Variants in VWF observed in about 807,000 individuals in gnomAD.
The protein encoded by VWF is Factor VIII related antigen.
Under a neutral mutation model 308.6 loss-of-function variants are expected in VWF, and 176 were observed. The ratio of observed to expected loss-of-function variants is 0.57; its 90% CI spans 0.50 to 0.65. The LOEUF (loss-of-function observed/expected upper bound fraction) is 0.65. Among genes scored for constraint, VWF ranks in the 30% least tolerant of loss-of-function variants. VWF has a pLI of 0.00. For synonymous variants in VWF, 1,385 were observed against 1,443.4 expected, an observed-to-expected ratio of 0.96 and a Z score of 0.92; for missense variants, 3,146 against 3,648.2, an observed-to-expected ratio of 0.86 and a Z score of 3.55.
At position 5,969,285 on chromosome 12, in the gene VWF, A is replaced by T. The variant is rs1482129712; in HGVS notation, c.7655T>A (p.Leu2552Gln). 1.2e-6 allele frequency: 2 copies of T among 1,614,168 alleles called. No homozygotes were observed. Among genetic ancestry groups the T allele is most frequent in the East Asian group, 2.2e-5 (1 of 44,864 alleles). ...IQQRNVSCPQ[L>Q]EVPVCPSGFQ... ...GCCCGAGGGGCAGACAGGGACCTCC[A>T]GCTGGGGGCAGGAGACGTTCCTTTG... Residue 2552 changes from leucine (L) to glutamine (Q), a missense_variant, in exon 45 of 52, where the codon CTG becomes CAG. This residue lies in a region of VWF where 989 missense variants were observed against 1,117.4 expected (regional missense o/e 0.89). Transcript: ENST00000261405.
intron 5 of VWF, among the ~76,000 whole-genome samples, chr12:6,108,511 C>T (rs1411544593): frequency 6.7e-6 from 1 of 149,800 alleles, no homozygotes; most frequent in East Asian, 2.0e-4. Flanking sequence ...AATTAAAAAG[C>T]TTAATTCAAG....
intron 3 of VWF, among the ~76,000 whole-genome samples, chr12:6,113,656 T>C (rs1056292269): frequency 3.3e-5 from 5 of 152,158 alleles, no homozygotes; most frequent in African/African-American, 1.2e-4. Flanking sequence ...GAGTGAGGAG[T>C]ATATGGATCT....
At chr12:5,964,286 G>GCATACATACATGCATA (rs1943371213) in intron 47 of VWF, among the ~76,000 whole-genome samples, 2 of 134,756 alleles carry the variant, frequency 1.5e-5, no homozygotes, top group South Asian at 2.2e-4. Flanking sequence ...ATACATACAT[G>GCATACATACATGCATA]CATACATACA....
intron 6 of VWF, among the ~76,000 whole-genome samples, chr12:6,090,624 CTCCTTCTCG>C: frequency 1.2e-5 from 1 of 85,840 alleles, no homozygotes; most frequent in East Asian, 3.7e-4. Context: ...CCTCCTCCTC[CTCCTTCTCG>C]TCCTCCTCCT....
chr12:5,976,362 G>A lies in VWF; in HGVS notation c.7288-102C>T, dbSNP rs1943533796. 3.3e-6 allele frequency: 5 copies of A among 1,498,208 alleles called. No homozygotes were observed. The South Asian group carries it at 4.6e-5, about 14-fold the overall frequency. 92.8% of individuals were successfully genotyped at this position (1,498,208 alleles called of 1,614,324 possible). ...AGCCGCTCTAAGTGCTGAGAATGTG[G>A]CAATAAATAAAACCAAATGTGGTCT... is the stretch of plus-strand genomic sequence containing the variant. On this transcript the variant is annotated intron_variant, in intron 42 of 51. Coordinates refer to ENST00000261405, the MANE Select transcript of VWF (RefSeq NM_000552.5).
intron 2 of VWF, 74 bp downstream of exon 2, chr12:6,123,068 G>T: frequency 6.3e-7 from 1 of 1,584,256 alleles, no homozygotes; most frequent in African/African-American, 1.3e-5. Context: ...AGACACACCT[G>T]CTGATTCCCG....
Position 6,056,854 on chromosome 12 carries a change from C to G in VWF, c.1945+3G>C. 11 of 1,412,890 alleles carry G rather than the reference C, an allele frequency of 7.8e-6. No homozygotes were observed. Among genetic ancestry groups the G allele is most frequent in the Non-Finnish European group, 9.1e-6 (10 of 1,094,152 alleles). 87.5% of individuals were successfully genotyped at this position (1,412,890 alleles called of 1,614,324 possible). Reference sequence around the variant, plus strand: ...GAGGGCTGCGGGCAGGGAGGGCACGCACCACAGCGGCCTGGCTCGCGCCAC... The same window carrying G: ...GAGGGCTGCGGGCAGGGAGGGCACGGACCACAGCGGCCTGGCTCGCGCCAC... On this transcript the variant is annotated splice_donor_region_variant and intron_variant, in intron 15 of 51. Coordinates refer to ENST00000261405, the MANE Select transcript of VWF (RefSeq NM_000552.5).
intron 47 of VWF, among the ~76,000 whole-genome samples, chr12:5,966,718 C>T (rs1028464389): frequency 1.3e-5 from 2 of 152,108 alleles, no homozygotes; most frequent in African/African-American, 4.8e-5. Context: ...AGAAAGCCAT[C>T]GCCATAGTTC....
Position 6,046,641 on chromosome 12 carries a change from A to G in VWF, c.2281+82T>C, listed in dbSNP as rs998005633. 7.3e-7 allele frequency: 1 copy of G among 1,366,616 alleles called. No homozygotes were observed. Among genetic ancestry groups the G allele is most frequent in the Non-Finnish European group, 1.0e-6 (1 of 956,464 alleles). The allele number at this position is 1,366,616 out of a possible 1,614,324, so 84.7% of individuals were successfully genotyped here. A position where few individuals can be genotyped will look rare whatever the true frequency, so the allele number is the denominator to read the frequency against. On this transcript the variant is annotated intron_variant, in intron 17 of 51. Coordinates refer to ENST00000261405, the MANE Select transcript of VWF (RefSeq NM_000552.5). This position sits in a 1 kb window ranked among gnomAD's most constrained non-coding sequence, Gnocchi z 5.0. Reference sequence around the variant, plus strand: ...GTGCACACGCACATCTGACGGTGTCACCCAGCTCTCTCCCGCCATTCCACA... The same window carrying G: ...GTGCACACGCACATCTGACGGTGTCGCCCAGCTCTCTCCCGCCATTCCACA...
intron 6 of VWF, 164 bp downstream of exon 6, chr12:6,095,296 G>T: frequency 9.1e-7 from 1 of 1,102,878 alleles, no homozygotes; most frequent in Non-Finnish European, 1.4e-6. Context: ...CTTCAGGCTC[G>T]AGATGTATTA....
rs146850658 is a variant in VWF, at chr12:6,034,722, A to C, written c.2651T>G (p.Leu884Arg). The C allele has an allele frequency of 2.7e-5, 43 of 1,614,092 alleles. No homozygotes were observed. In the African/African-American group the frequency reaches 4.0e-4, roughly 15 times the overall value. Residue 884 changes from leucine (L) to arginine (R), a missense_variant, in exon 20 of 52, where the codon CTG becomes CGG. This residue lies in a region of VWF where 1,304 missense variants were observed against 1,353.0 expected (regional missense o/e 0.96). Coordinates refer to ENST00000261405, the MANE Select transcript of VWF (RefSeq NM_000552.5). ...AACGTACTGGCACTCCCCGGGGAAC[A>C]GGTATTTGAGCCCGTCGAAGGTGAG... is the stretch of plus-strand genomic sequence containing the variant. ...HYLTFDGLKY[L>R]FPGECQYVLV... is the part of the protein sequence containing the mutation.
Position 6,021,980 on chromosome 12 carries a change from C to T in VWF, c.3594G>A (p.Val1198=), listed in dbSNP as rs368522060. 4 of 1,614,200 alleles carry T rather than the reference C, an allele frequency of 2.5e-6. No individual in the cohort carries two copies. Among genetic ancestry groups the T allele is most frequent in the Non-Finnish European group, 3.4e-6 (4 of 1,180,044 alleles). Residue 1198 remains valine, a synonymous_variant, in exon 27 of 52, where the codon GTG becomes GTA. Coordinates refer to ENST00000261405, the MANE Select transcript of VWF (RefSeq NM_000552.5). ...CAAAACGCCGGCCAGCCACCTCACA[C>T]ACTGGACAGTCTTCAGGGTCAACGC... ...QTCVDPEDCP[V]CEVAGRRFAS...
In VWF at chr12:5,967,592, G is replaced by T; in HGVS notation, c.7781C>A (p.Thr2594Asn). The stretch of plus-strand genomic sequence containing the variant: ...GGTCGTGCACACATCGATCATCACA[G>T]TCTTCCCGGGCTGGAAGCAGAGGCA... Reference protein sequence around the residue: ...LNGTVIGPGKTVMIDVCTTCR... With the variant: ...LNGTVIGPGKNVMIDVCTTCR... Residue 2594 changes from threonine to asparagine, a missense_variant, in exon 47 of 52, where the codon ACT becomes AAT. By Grantham distance (65) the Thr-to-Asn change is moderately conservative. Transcript: ENST00000261405. 6.2e-7 allele frequency: 1 copy of T among 1,613,786 alleles called. No homozygotes were observed. The highest frequency in any genetic ancestry group is 8.5e-7 in the Non-Finnish European group (1 of 1,180,006).
chr12:5,968,832 T>C (rs954464832), intron 45 of VWF, among the ~76,000 whole-genome samples: 1 of 152,002 alleles, frequency 6.6e-6, no homozygotes, highest in African/African-American at 2.4e-5. Context: ...AACAAACAAA[T>C]AAATAAAATT....
chr12:6,016,617 C>G lies in VWF; in HGVS notation c.5210G>C (p.Ser1737Thr), dbSNP rs771900602. The change falls in exon 30 of 52, where the codon AGC becomes ACC. Residue 1737 changes from serine to threonine, a missense_variant. Physicochemically the swap from Ser to Thr is moderately conservative, Grantham distance 58 (BLOSUM62 1). This residue lies in a region of VWF where 853 missense variants were observed against 1,177.8 expected (regional missense o/e 0.72). Coordinates refer to ENST00000261405, the MANE Select transcript of VWF (RefSeq NM_000552.5). ...LTQVSVLQYGSITTIDVPWNV... is the reference protein window; with the variant it reads ...LTQVSVLQYGTITTIDVPWNV... ...CCATGGCACGTCAATGGTGGTGATG[C>G]TTCCATACTGCAGCACTGACACCTG... is the stretch of plus-strand genomic sequence containing the variant. 3.1e-6 allele frequency: 5 copies of G among 1,614,092 alleles called. No homozygotes were observed. In the South Asian group the frequency reaches 5.5e-5, roughly 18 times the overall value.
chr12:6,006,498 C>T (rs1943928312), intron 34 of VWF, among the ~76,000 whole-genome samples: 1 of 152,150 alleles, frequency 6.6e-6, no homozygotes, highest in Admixed American at 6.5e-5. Flanking sequence ...AATAAAACAG[C>T]CAGGTGCGGT....
intron 10 of VWF, among the ~76,000 whole-genome samples, chr12:6,067,904 C>T (rs1386948453): frequency 6.6e-6 from 1 of 152,076 alleles, no homozygotes; most frequent in African/African-American, 2.4e-5. Context: ...GAGGCTGAGA[C>T]AGGCGGAGCA....
At chr12:6,087,892 G>A (rs952797364) in intron 6 of VWF, among the ~76,000 whole-genome samples, 1 of 152,016 alleles carries the variant, frequency 6.6e-6, no homozygotes, top group Non-Finnish European at 1.5e-5. Flanking sequence ...ACCACTCTAC[G>A]GTAGGTAGAG....
chr12:6,014,389 G>C (rs1239577934), intron 31 of VWF, among the ~76,000 whole-genome samples: 1 of 152,208 alleles, frequency 6.6e-6, no homozygotes, highest in African/African-American at 2.4e-5. Flanking sequence ...AGGGGACAAA[G>C]GTGGAAGCTG....
Sources: allele counts gnomAD v4.1 joint callset (sites outside exome capture counted in the v4.1 genomes callset), GRCh38; gene constraint gnomAD v4.1.1; regional missense constraint gnomAD v4.1.1; non-coding constraint Gnocchi (gnomAD v3.1); transcripts MANE v1.5; gene names NCBI Gene and HGNC (gene_info 2026-07-23, HGNC 2026-07-21).